The following SHPK variants were observed in gnomAD, a reference collection of about 807,000 sequenced individuals.
The protein encoded by SHPK is sedoheptulokinase, also known as carbohydrate kinase-like protein.
Under a neutral mutation model 46.3 loss-of-function variants are expected in SHPK, and 51 were observed. The ratio of observed to expected loss-of-function variants is 1.10; its 90% CI spans 0.88 to 1.39. The LOEUF (loss-of-function observed/expected upper bound fraction) is 1.39, where lower values mean the gene tolerates loss of function less well. Among genes scored for constraint, SHPK ranks in the 40% most tolerant of loss-of-function variants. The pLI is 0.00. For missense variants in SHPK, 668 were observed against 641.3 expected (o/e 1.04, Z -0.45); for synonymous variants, 290 against 273.9 (o/e 1.06, Z -0.58).
chr17:3,628,044 T>C (rs547467926), intron 2 of SHPK, among the ~76,000 whole-genome samples: 1 of 152,052 alleles, frequency 6.6e-6, no homozygotes, highest in East Asian at 2.0e-4. Context: ...AGCCCCATCC[T>C]GGGAGTGATT....
chr17:3,621,675 T>C (rs1023810534), intron 4 of SHPK, among the ~76,000 whole-genome samples: 3 of 150,240 alleles, frequency 2.0e-5, no homozygotes, highest in Non-Finnish European at 4.4e-5. Flanking sequence ...TTTTTTGAGA[T>C]GGAGTCTTGC....
chr17:3,624,700 T>C (rs940005179), intron 2 of SHPK, among the ~76,000 whole-genome samples: 17 of 152,062 alleles, frequency 1.1e-4, no homozygotes, highest in African/African-American at 2.9e-4. Context: ...GTCCCCCAGG[T>C]TGGAATGCAG....
chr17:3,630,106 G>A lies in SHPK; in HGVS notation c.310+99C>T, dbSNP rs1391509423. The A allele has an allele frequency of 9.6e-6, 14 of 1,459,998 alleles. No individual in the cohort carries two copies. In the East Asian group the frequency reaches 3.2e-4, roughly 33 times the overall value. 90.4% of individuals were successfully genotyped at this position (1,459,998 alleles called of 1,614,324 possible). A position where few individuals can be genotyped will look rare whatever the true frequency, so the allele number is the denominator to read the frequency against. ...CAAGAAACAAGACCCTATTCCCACTGCAGGATAACCCGACCCTTCACAGAA... is the reference window on the plus strand; with the variant it reads ...CAAGAAACAAGACCCTATTCCCACTACAGGATAACCCGACCCTTCACAGAA... On this transcript the variant is annotated intron_variant, in intron 2 of 6. Coordinates refer to ENST00000225519, the MANE Select transcript of SHPK (RefSeq NM_013276.4).
intron 1 of SHPK, among the ~76,000 whole-genome samples, chr17:3,635,240 A>AGAAAGGAAGGAAGGAAGGAAG (rs2075508366): frequency 7.1e-6 from 1 of 140,248 alleles, no homozygotes. Flanking sequence ...GAAGGAAGGA[A>AGAAAGGAAGGAAGGAAGGAAG]GGAAGGGAAG....
intron 4 of SHPK, 64 bp downstream of exon 4, chr17:3,623,275 C>G: frequency 1.3e-6 from 2 of 1,585,092 alleles, no homozygotes; most frequent in East Asian, 2.2e-5. Flanking sequence ...CACTGAAGCA[C>G]TGGCTCCGGG....
intron 6 of SHPK, 57 bp downstream of exon 6, chr17:3,615,280 C>A (rs1199957361): frequency 6.4e-7 from 1 of 1,568,678 alleles, no homozygotes; most frequent in African/African-American, 1.4e-5. Context: ...AGCTCCGAGA[C>A]CCTGCCGGGT....
intron 2 of SHPK, among the ~76,000 whole-genome samples, chr17:3,627,581 A>G (rs2075445533): frequency 6.6e-6 from 1 of 152,070 alleles, no homozygotes; most frequent in South Asian, 2.1e-4. Context: ...ACTTGACTTC[A>G]CTAAGCAGGT....
At chr17:3,635,944 TGG>T in intron 1 of SHPK, 106 bp downstream of exon 1, 1 of 1,133,918 alleles carries the variant, frequency 8.8e-7, no homozygotes, top group Non-Finnish European at 1.2e-6. Context: ...GGGGACAAGC[TGG>T]AATAGAGACT....
At chr17:3,621,705 T>G (rs926831286) in intron 4 of SHPK, among the ~76,000 whole-genome samples, 17 of 150,720 alleles carry the variant, frequency 1.1e-4, no homozygotes, top group Admixed American at 1.0e-3. Flanking sequence ...CAGGCTGGAG[T>G]GCAGTGGCAC....
At position 3,624,042 on chromosome 17, in the gene SHPK, C is replaced by T. The variant is rs2075418240; in HGVS notation, c.494+6G>A. On this transcript the variant is annotated splice_donor_region_variant and intron_variant, in intron 3 of 6. Coordinates refer to ENST00000225519, the MANE Select transcript of SHPK (RefSeq NM_013276.4). Reference sequence around the variant, plus strand: ...AGCACCCGAGTGAAAGTGCAGTTGCCCGTACCGATATTTCAAAAGCCAGAA... The same window carrying T: ...AGCACCCGAGTGAAAGTGCAGTTGCTCGTACCGATATTTCAAAAGCCAGAA... The T allele has an allele frequency of 6.3e-7, 1 of 1,598,532 alleles. No homozygotes were observed. The highest frequency in any genetic ancestry group is 8.6e-7 in the Non-Finnish European group (1 of 1,167,918).
chr17:3,630,055 A>G, intron 2 of SHPK, 150 bp downstream of exon 2: 1 of 932,942 alleles, frequency 1.1e-6, no homozygotes, highest in Non-Finnish European at 1.7e-6. Context: ...TCACCCACGC[A>G]GGAGGCAGCA....
rs1233103927 is a variant in SHPK at position 3,615,539 on chromosome 17, T to C, written c.824-2A>G. 46 of 1,613,840 alleles carry C rather than the reference T, an allele frequency of 2.9e-5. No homozygotes were observed. The Middle Eastern group carries it at 6.6e-4, about 23-fold the overall frequency. ...GAACCGAGGTGCTGATGTTGAGAAC[T>C]GGGGTCCGAAGAGAGCAGAGCTTAG... On this transcript the variant is annotated splice_acceptor_variant, in intron 5 of 6. Coordinates refer to ENST00000225519, the MANE Select transcript of SHPK (RefSeq NM_013276.4). LOFTEE classifies it high-confidence loss of function.
At chr17:3,619,286 G>T in intron 5 of SHPK, 1 of 827,894 alleles carries the variant, frequency 1.2e-6, no homozygotes, top group South Asian at 1.4e-5. Context: ...CAATAAACGT[G>T]GCCAGCTTCA....
intron 5 of SHPK, among the ~76,000 whole-genome samples, chr17:3,620,165 T>C (rs1178304308): frequency 6.6e-6 from 1 of 152,220 alleles, no homozygotes; most frequent in Non-Finnish European, 1.5e-5. Context: ...GAAAATATTT[T>C]CTGCCCTTTA....
In SHPK at chr17:3,622,974, GGATTA is replaced by G. The variant is rs575412379; in HGVS notation, c.647+360_647+364del. The stretch of plus-strand genomic sequence containing the variant: ...CCCGCCTCAGCCTCCCAAAGTGCTG[GGATTA>G]CAGGCATGAGCCACCGCGCCTGGCT... On this transcript the variant is annotated intron_variant, in intron 4 of 6. Transcript: ENST00000225519. 2.0e-5 allele frequency among the ~76,000 whole-genome samples: 3 copies of G among 152,228 alleles called. No homozygotes were observed. The East Asian group carries it at 5.8e-4, about 29-fold the overall frequency.
intron 4 of SHPK, among the ~76,000 whole-genome samples, chr17:3,621,954 C>T (rs186814816): frequency 0.012 from 1,808 of 151,876 alleles, 19 homozygotes; most frequent in Non-Finnish European, 0.02. Context: ...CACCCGGCTC[C>T]TTCTTTCTTT....
At position 3,623,349 on chromosome 17, in the gene SHPK, T is replaced by A. The variant is rs1190823226; in HGVS notation, c.637A>T (p.Asn213Tyr). The A allele has an allele frequency of 6.2e-7, 1 of 1,614,174 alleles. No individual in the cohort carries two copies. Residue 213 changes from asparagine (N) to tyrosine (Y), a missense_variant, in exon 4 of 7, where the codon AAC (asparagine) becomes TAC (tyrosine). Asn to Tyr is a moderately radical substitution (Grantham distance 143). Coordinates refer to ENST00000225519, the MANE Select transcript of SHPK (RefSeq NM_013276.4). ...GGATGTGATACTCACGTCTCTACGTTCCAGCTTTGGCTCTGCGTGTTGAAA... is the reference window on the plus strand; with the variant it reads ...GGATGTGATACTCACGTCTCTACGTACCAGCTTTGGCTCTGCGTGTTGAAA... ...GYFNTQSQSWNVETLRSSGFP... is the reference protein window; with the variant it reads ...GYFNTQSQSWYVETLRSSGFP...
At chr17:3,613,013 G>T (rs1253964262) in intron 6 of SHPK, among the ~76,000 whole-genome samples, 1 of 152,104 alleles carries the variant, frequency 6.6e-6, no homozygotes. Context: ...GCCTCCCAAA[G>T]TGCTGGGATT....
intron 5 of SHPK, chr17:3,619,614 T>G (rs2150869574): frequency 1.1e-4 from 43 of 377,360 alleles, no homozygotes; most frequent in Non-Finnish European, 1.7e-4. Flanking sequence ...GCGCCTGTAG[T>G]CCCATCTACT....
Sources: allele counts gnomAD v4.1 joint callset (sites outside exome capture counted in the v4.1 genomes callset), GRCh38; gene constraint gnomAD v4.1.1; transcripts MANE v1.5; gene names NCBI Gene and HGNC (gene_info 2026-07-23, HGNC 2026-07-21).